DEPDC1B: variants seen among roughly 807,000 people sequenced by gnomAD.
DEPDC1B encodes the protein DEP domain-containing protein 1B.
DEPDC1B carries 51 observed loss-of-function variants against 66.5 expected under a neutral mutation model. The observed-to-expected ratio is 0.77, with a 90% CI of 0.61 to 0.97. The LOEUF (loss-of-function observed/expected upper bound fraction) is 0.97, where lower values mean the gene tolerates loss of function less well. Ranked by LOEUF, DEPDC1B falls within the 50% of genes least tolerant of loss-of-function variation. DEPDC1B has a pLI of 0.00. For synonymous variants in DEPDC1B, 226 were observed against 223.6 expected (o/e 1.01, Z -0.10); for missense variants, 552 against 637.1 (o/e 0.87, Z 1.44).
chr5:60,610,398 A>AACTAACAT (rs1263442390), intron 7 of DEPDC1B, among the ~76,000 whole-genome samples: 1 of 152,220 alleles, frequency 6.6e-6, no homozygotes, highest in African/African-American at 2.4e-5. Flanking sequence ...AAAGCATTAA[A>AACTAACAT]ACTAACATCA....
At chr5:60,662,015 C>T (rs979104596) in intron 2 of DEPDC1B, among the ~76,000 whole-genome samples, 2 of 152,106 alleles carry the variant, frequency 1.3e-5, no homozygotes. Context: ...AGAAAGCATA[C>T]CTCTTTGTCA....
At chr5:60,658,341 T>C (rs890540630) in intron 2 of DEPDC1B, among the ~76,000 whole-genome samples, 1 of 152,230 alleles carries the variant, frequency 6.6e-6, no homozygotes, top group Admixed American at 6.5e-5. Flanking sequence ...GGTGAACTAG[T>C]GTAATCTTTT....
intron 7 of DEPDC1B, among the ~76,000 whole-genome samples, chr5:60,625,974 T>C (rs1277509003): frequency 6.6e-6 from 1 of 152,168 alleles, no homozygotes; most frequent in African/African-American, 2.4e-5. Flanking sequence ...TAAAGTCAAA[T>C]TTAGTTATTT....
chr5:60,632,730 G>A (rs1752953542), intron 7 of DEPDC1B, among the ~76,000 whole-genome samples: 2 of 152,228 alleles, frequency 1.3e-5, no homozygotes, highest in South Asian at 4.1e-4. Flanking sequence ...GTCCCTCTAG[G>A]CTGGGTCCCT....
At chr5:60,682,686 TA>T (rs1384385568) in intron 2 of DEPDC1B, among the ~76,000 whole-genome samples, 2 of 152,104 alleles carry the variant, frequency 1.3e-5, no homozygotes, top group African/African-American at 4.8e-5. Context: ...TTGGAAAACC[TA>T]AAGGAAATGG....
intron 7 of DEPDC1B, among the ~76,000 whole-genome samples, chr5:60,614,318 A>G (rs949764820): frequency 6.6e-6 from 1 of 152,120 alleles, no homozygotes; most frequent in Non-Finnish European, 1.5e-5. Flanking sequence ...TTATTTTTTT[A>G]CACTTTCTTT....
chr5:60,619,706 C>T (rs970278205), intron 7 of DEPDC1B, among the ~76,000 whole-genome samples: 2 of 152,166 alleles, frequency 1.3e-5, no homozygotes, highest in Non-Finnish European at 2.9e-5. Context: ...TGAAAATGGC[C>T]ATACTGCCCA....
intron 2 of DEPDC1B, among the ~76,000 whole-genome samples, chr5:60,668,139 ATATATATATAAAATGGATAT>A (rs1561384890): frequency 0.012 from 711 of 58,988 alleles, 77 homozygotes; most frequent in Non-Finnish European, 0.014. Context: ...TGGATATTTT[ATATATATATAAAATGGATAT>A]TATATATATA....
Position 60,669,502 on chromosome 5 carries a change from T to G in DEPDC1B, c.314+17460A>C, listed in dbSNP as rs1753980180. Among the ~76,000 whole-genome samples, 5 of 152,246 alleles carry G rather than the reference T, an allele frequency of 3.3e-5. 1 individual carries two copies. On this transcript the variant is annotated intron_variant, in intron 2 of 10. Transcript: ENST00000265036. Reference sequence around the variant, plus strand: ...CTATTTCCCAGAAATCCATGATTTATGCAAAACCATAGCAATTTGTAGGGT... The same window carrying G: ...CTATTTCCCAGAAATCCATGATTTAGGCAAAACCATAGCAATTTGTAGGGT...
chr5:60,690,122 G>T (rs949981199), intron 1 of DEPDC1B, among the ~76,000 whole-genome samples: 2 of 152,086 alleles, frequency 1.3e-5, no homozygotes, highest in African/African-American at 4.8e-5. Context: ...TAATAAACCT[G>T]AAGTGTTTTT....
chr5:60,659,958 C>A (rs1488935579), intron 2 of DEPDC1B, among the ~76,000 whole-genome samples: 1 of 152,144 alleles, frequency 6.6e-6, no homozygotes, highest in Admixed American at 6.5e-5. Flanking sequence ...CCCCACCACC[C>A]TTGCAGGGCC....
rs891719865 is a variant in DEPDC1B at position 60,654,555 on chromosome 5, C to T, written c.315-7022G>A. Among the ~76,000 whole-genome samples, 5 of 148,664 alleles carry T rather than the reference C, an allele frequency of 3.4e-5. 1 individual carries two copies. Among genetic ancestry groups the T allele is most frequent in the Non-Finnish European group, 5.9e-5 (4 of 67,800 alleles). On this transcript the variant is annotated intron_variant, in intron 2 of 10. Coordinates refer to ENST00000265036, the MANE Select transcript of DEPDC1B (RefSeq NM_018369.3). Reference sequence around the variant, plus strand: ...GAGTCTTTAAGGTTTTCTATGTATACGATCATATCATCAAGAAACAGTGAC... The same window carrying T: ...GAGTCTTTAAGGTTTTCTATGTATATGATCATATCATCAAGAAACAGTGAC...
intron 9 of DEPDC1B, among the ~76,000 whole-genome samples, chr5:60,600,955 T>TC (rs1179010432): frequency 6.6e-6 from 1 of 152,148 alleles, no homozygotes; most frequent in Non-Finnish European, 1.5e-5. Context: ...ACAGGGTGGT[T>TC]CCCCCCATGC....
In DEPDC1B at chr5:60,656,646, C is replaced by T. The variant is rs140620067; in HGVS notation, c.315-9113G>A. 3.1e-3 allele frequency among the ~76,000 whole-genome samples: 469 copies of T among 152,304 alleles called. 5 individuals are homozygous for T. The highest frequency in any genetic ancestry group is 0.011 in the African/African-American group (447 of 41,568). On this transcript the variant is annotated intron_variant, in intron 2 of 10. Coordinates refer to ENST00000265036, the MANE Select transcript of DEPDC1B (RefSeq NM_018369.3). ...GGGGAGGCCTTAGGAAACTTACAAT[C>T]ATGGCAGAAGGGGAAGCAAACGTGT...
chr5:60,696,837 G>A (rs1256507896), intron 1 of DEPDC1B, among the ~76,000 whole-genome samples: 1 of 149,676 alleles, frequency 6.7e-6, no homozygotes, highest in Non-Finnish European at 1.5e-5. Context: ...CTTTTCTCCA[G>A]GATATTCCAT....
At chr5:60,669,431 C>T (rs1038356009) in intron 2 of DEPDC1B, among the ~76,000 whole-genome samples, 1 of 152,172 alleles carries the variant, frequency 6.6e-6, no homozygotes, top group Non-Finnish European at 1.5e-5. Flanking sequence ...TACAAAAAAA[C>T]ACAGCCAGAT....
intron 4 of DEPDC1B, among the ~76,000 whole-genome samples, chr5:60,645,268 T>C (rs1299059068): frequency 6.6e-6 from 1 of 152,230 alleles, no homozygotes; most frequent in Non-Finnish European, 1.5e-5. Context: ...TTCTATTATG[T>C]GTCTTATTAC....
chr5:60,624,432 G>T (rs771332290), intron 7 of DEPDC1B, among the ~76,000 whole-genome samples: 1 of 152,092 alleles, frequency 6.6e-6, no homozygotes, highest in Non-Finnish European at 1.5e-5. Flanking sequence ...TTTTATCAGG[G>T]ATATCATGTG....
chr5:60,699,443 G>GAAAAAAAAAAA lies in DEPDC1B; in HGVS notation c.48+592_48+602dup, dbSNP rs528758437. Among the ~76,000 whole-genome samples the GAAAAAAAAAAA allele has an allele frequency of 9.4e-4, 84 of 89,350 alleles. 9 individuals are homozygous for GAAAAAAAAAAA. Among genetic ancestry groups the GAAAAAAAAAAA allele is most frequent in the African/African-American group, 4.1e-3 (75 of 18,180 alleles). The allele number at this position is 89,350 out of a possible 152,430, so 58.6% of individuals were successfully genotyped here. A position where few individuals can be genotyped will look rare whatever the true frequency, so the allele number is the denominator to read the frequency against. On this transcript the variant is annotated intron_variant, in intron 1 of 10. Coordinates refer to ENST00000265036, the MANE Select transcript of DEPDC1B (RefSeq NM_018369.3). Reference sequence around the variant, plus strand: ...CCTCAATACCAAAGCTTTTCTCCCAGAAAAAAAAAAAAAAAAAAACAGGAA... The same window carrying GAAAAAAAAAAA: ...CCTCAATACCAAAGCTTTTCTCCCAGAAAAAAAAAAAAAAAAAAAAAAAAAAAAAACAGGAA...
Sources: allele counts gnomAD v4.1 joint callset (sites outside exome capture counted in the v4.1 genomes callset), GRCh38; gene constraint gnomAD v4.1.1; transcripts MANE v1.5; gene names NCBI Gene and HGNC (gene_info 2026-07-23, HGNC 2026-07-21).